The following TMEM272 variants were observed in gnomAD, a reference collection of about 807,000 sequenced individuals.
TMEM272 encodes the protein long intergenic non-protein coding RNA 282.
Under a neutral mutation model 3.7 loss-of-function variants are expected in TMEM272, and 8 were observed. The ratio of observed to expected loss-of-function variants is 2.17; its 90% CI spans 1.27 to 3.91. TMEM272 has a LOEUF of 3.91. Among genes scored for constraint, TMEM272 ranks in the 30% most tolerant of loss-of-function variants. TMEM272 has a pLI of 0.00. For missense variants in TMEM272, 166 were observed against 91.5 expected (o/e 1.81, Z -3.32); for synonymous variants, 63 against 39.8 (o/e 1.58, Z -2.20).
the TMEM272 span, among the ~76,000 whole-genome samples, chr13:51,851,451 AT>A: frequency 1.4e-5 from 2 of 142,674 alleles, no homozygotes; most frequent in African/African-American, 5.2e-5. Flanking sequence ...ATTTGTAGTC[AT>A]TTTTTTTTTT....
the TMEM272 span, chr13:51,865,322 G>A: frequency 7.1e-7 from 1 of 1,417,848 alleles, no homozygotes; most frequent in Non-Finnish European, 9.6e-7. Flanking sequence ...CTTTTCTGCT[G>A]CCCCCACAGG....
chr13:51,876,109 C>G, the TMEM272 span, among the ~76,000 whole-genome samples: 2 of 152,340 alleles, frequency 1.3e-5, no homozygotes, highest in Non-Finnish European at 2.9e-5. Context: ...TGCAGCTCTC[C>G]TGGGGGTGTT....
At chr13:51,896,530 G>C in the TMEM272 span, among the ~76,000 whole-genome samples, 1 of 152,168 alleles carries the variant, frequency 6.6e-6, no homozygotes, top group Admixed American at 6.5e-5. Flanking sequence ...ACTGCCCTCT[G>C]GGGAAGGTTG....
chr13:51,896,316 G>GGT, the TMEM272 span, among the ~76,000 whole-genome samples: 3 of 151,036 alleles, frequency 2.0e-5, no homozygotes, highest in South Asian at 2.1e-4. Flanking sequence ...GCTCTAGAGG[G>GGT]GTGTGTGTGT....
At chr13:51,896,086 A>C in the TMEM272 span, among the ~76,000 whole-genome samples, 1 of 152,186 alleles carries the variant, frequency 6.6e-6, no homozygotes, top group Non-Finnish European at 1.5e-5. Context: ...AAATTCTATT[A>C]GTGTTCAGCA....
chr13:51,918,205 A>G, the TMEM272 span, among the ~76,000 whole-genome samples: 2 of 152,204 alleles, frequency 1.3e-5, no homozygotes, highest in South Asian at 2.1e-4. Context: ...TGCCAATTCC[A>G]GCAATGCCTT....
chr13:51,909,929 T>C, the TMEM272 span: 1 of 1,600,762 alleles, frequency 6.2e-7, no homozygotes, highest in Non-Finnish European at 8.6e-7. Context: ...GTTCTTTCCA[T>C]ACTTCAGCTT....
At chr13:51,857,077 CAATT>C in the TMEM272 span, among the ~76,000 whole-genome samples, 5 of 151,982 alleles carry the variant, frequency 3.3e-5, no homozygotes, top group Admixed American at 3.3e-4. Context: ...ATTTTGTTAT[CAATT>C]GTTTACAGAG....
In TMEM272 at chr13:51,826,671, C is replaced by T. The variant is rs1172573504; in HGVS notation, c.59-46G>A. 4 of 702,054 alleles carry T rather than the reference C, an allele frequency of 5.7e-6. No individual in the cohort carries two copies. In the Admixed American group the frequency reaches 6.0e-5, roughly 11 times the overall value. The allele number at this position is 702,054 out of a possible 1,614,324, so 43.5% of individuals were successfully genotyped here. Reference sequence around the variant, plus strand: ...AGGCACTGGGTTAGAAACACACAGACCCCTGCATTTCCTCTTCACTGCAGT... The same window carrying T: ...AGGCACTGGGTTAGAAACACACAGATCCCTGCATTTCCTCTTCACTGCAGT... On this transcript the variant is annotated intron_variant, in intron 2 of 4. Coordinates refer to ENST00000629372, the MANE Select transcript of TMEM272 (RefSeq NM_001351003.2).
chr13:51,929,123 G>A, the TMEM272 span, among the ~76,000 whole-genome samples: 1 of 152,156 alleles, frequency 6.6e-6, no homozygotes, highest in Admixed American at 6.5e-5. Context: ...CTTGAACCTG[G>A]GAGGCGGAGG....
the TMEM272 span, among the ~76,000 whole-genome samples, chr13:51,930,164 T>A: frequency 6.6e-6 from 1 of 152,150 alleles, no homozygotes; most frequent in Non-Finnish European, 1.5e-5. Context: ...TATGCTTAAT[T>A]TTTTGCTATA....
At chr13:51,896,640 G>A in the TMEM272 span, among the ~76,000 whole-genome samples, 5 of 152,126 alleles carry the variant, frequency 3.3e-5, no homozygotes, top group African/African-American at 1.2e-4. Flanking sequence ...ACCAGAGGAG[G>A]TCCATCTCTT....
intron 3 of TMEM272, among the ~76,000 whole-genome samples, chr13:51,825,568 C>T (rs534244297): frequency 3.1e-4 from 47 of 151,922 alleles, no homozygotes; most frequent in African/African-American, 8.9e-4. Context: ...TTACTTTCTG[C>T]TCCAATATGC....
At chr13:51,882,857 T>A in the TMEM272 span, among the ~76,000 whole-genome samples, 1 of 152,190 alleles carries the variant, frequency 6.6e-6, no homozygotes, top group Non-Finnish European at 1.5e-5. Context: ...GCCAGAAATG[T>A]CTGCAGCTGC....
At chr13:51,840,341 CAA>C (rs1055070759) in intron 1 of TMEM272, among the ~76,000 whole-genome samples, 1 of 152,172 alleles carries the variant, frequency 6.6e-6, no homozygotes, top group African/African-American at 2.4e-5. Context: ...TTTAACCAGG[CAA>C]AGATTCTTAT....
upstream of TMEM272, among the ~76,000 whole-genome samples, chr13:51,849,110 G>A (rs1956319931): frequency 6.6e-6 from 1 of 152,054 alleles, no homozygotes; most frequent in Admixed American, 6.5e-5. Context: ...ATTTTCCTGA[G>A]GACAATTTAA....
chr13:51,836,951 C>T (rs1237696661), intron 2 of TMEM272, among the ~76,000 whole-genome samples: 2 of 152,180 alleles, frequency 1.3e-5, no homozygotes, highest in Non-Finnish European at 2.9e-5. Context: ...AGAGCAAACG[C>T]TTCTGTTTTA....
chr13:51,871,785 TACACACAC>T, the TMEM272 span, among the ~76,000 whole-genome samples: 14,042 of 129,488 alleles, frequency 0.11, 762 homozygotes, highest in Middle Eastern at 0.19. Flanking sequence ...AATCTCCCCC[TACACACAC>T]ACACACACAC....
the TMEM272 span, among the ~76,000 whole-genome samples, chr13:51,928,973 G>GT: frequency 6.6e-6 from 1 of 152,186 alleles, no homozygotes; most frequent in African/African-American, 2.4e-5. Context: ...CCAAGATGAG[G>GT]GGATCACGAG....
Sources: gnomAD v4.1 joint callset for allele counts (sites outside exome capture counted in the v4.1 genomes callset) on GRCh38, gnomAD v4.1.1 for gene constraint, MANE v1.5 for transcripts, NCBI Gene and HGNC (gene_info 2026-07-23, HGNC 2026-07-21) for gene names.